Variants in SLC24A2 observed in about 807,000 individuals in gnomAD.
SLC24A2 encodes sodium/potassium/calcium exchanger 2.
Under a neutral mutation model 62.0 loss-of-function variants are expected in SLC24A2, and 36 were observed. That is an observed-to-expected ratio of 0.58 (90% confidence interval 0.44 to 0.77). The LOEUF is 0.77. Among genes scored for constraint, SLC24A2 ranks in the 30% least tolerant of loss-of-function variants. The probability of loss-of-function intolerance (pLI) is 0.00; values close to 1 mark genes in which losing one functional copy is unlikely to be tolerated. For missense variants in SLC24A2, 846 were observed against 817.9 expected (o/e 1.03, Z -0.42); for synonymous variants, 358 against 294.0 (o/e 1.22, Z -2.23).
chr9:19,945,197 A>C, the SLC24A2 span, among the ~76,000 whole-genome samples: 1 of 152,290 alleles, frequency 6.6e-6, no homozygotes, highest in East Asian at 1.9e-4. Flanking sequence ...TTCCTGAATC[A>C]GGGACAAGAT....
At chr9:20,239,351 C>A in the SLC24A2 span, among the ~76,000 whole-genome samples, 2 of 152,176 alleles carry the variant, frequency 1.3e-5, no homozygotes, top group South Asian at 2.1e-4. Flanking sequence ...TTTAACTATG[C>A]ACCTTCTATT....
At chr9:20,270,718 A>G in the SLC24A2 span, among the ~76,000 whole-genome samples, 3 of 152,238 alleles carry the variant, frequency 2.0e-5, no homozygotes, top group African/African-American at 7.2e-5. Flanking sequence ...CTCTGGGGAT[A>G]TAACAGTTAA....
At chr9:20,200,589 C>G in the SLC24A2 span, among the ~76,000 whole-genome samples, 1 of 152,280 alleles carries the variant, frequency 6.6e-6, no homozygotes, top group Non-Finnish European at 1.5e-5. Context: ...GCTTAAAACA[C>G]CCTACTTTTA....
the SLC24A2 span, among the ~76,000 whole-genome samples, chr9:20,180,309 C>A: frequency 2.0e-5 from 3 of 152,184 alleles, no homozygotes; most frequent in East Asian, 5.8e-4. Context: ...AAATATTAAT[C>A]ACCATATAGA....
intron 2 of SLC24A2, among the ~76,000 whole-genome samples, chr9:19,757,943 T>C (rs955227047): frequency 2.6e-5 from 4 of 152,172 alleles, no homozygotes; most frequent in African/African-American, 7.2e-5. Context: ...TCTCTGCACA[T>C]GTCCACTTCC....
At chr9:19,670,559 T>C (rs142749492) in intron 2 of SLC24A2, among the ~76,000 whole-genome samples, 3 of 152,308 alleles carry the variant, frequency 2.0e-5, no homozygotes, top group African/African-American at 7.2e-5. Context: ...CCTATTTCAT[T>C]GCTATTATTA....
At chr9:20,201,302 C>A in the SLC24A2 span, among the ~76,000 whole-genome samples, 13 of 152,198 alleles carry the variant, frequency 8.5e-5, no homozygotes, top group Admixed American at 3.9e-4. Flanking sequence ...AGGCTTCAAC[C>A]AGCTTGCCAG....
the SLC24A2 span, among the ~76,000 whole-genome samples, chr9:19,922,402 T>C: frequency 3.3e-5 from 5 of 152,236 alleles, no homozygotes; most frequent in Admixed American, 3.3e-4. Context: ...ATAAAATCTT[T>C]TTATGCACCC....
the SLC24A2 span, among the ~76,000 whole-genome samples, chr9:20,157,563 G>C: frequency 6.6e-5 from 10 of 151,524 alleles, no homozygotes; most frequent in African/African-American, 1.5e-4. Context: ...ACACCTATAG[G>C]AAAGGGACTT....
the SLC24A2 span, among the ~76,000 whole-genome samples, chr9:19,818,542 T>C: frequency 2.0e-5 from 3 of 152,094 alleles, no homozygotes. Context: ...AATCAGTAGC[T>C]CTTCTATATA....
intron 2 of SLC24A2, among the ~76,000 whole-genome samples, chr9:19,671,342 T>G (rs147818589): frequency 1.1e-3 from 172 of 152,226 alleles, no homozygotes; most frequent in African/African-American, 3.9e-3. Context: ...AGTTCTTGAT[T>G]TGATTCTCAG....
chr9:19,549,733 T>C (rs1225328581), intron 8 of SLC24A2, among the ~76,000 whole-genome samples: 3 of 152,196 alleles, frequency 2.0e-5, no homozygotes, highest in Admixed American at 6.5e-5. Context: ...CCTTCAAGTC[T>C]TTCTACTTCA....
At chr9:19,582,067 T>C (rs1388739046) in intron 5 of SLC24A2, among the ~76,000 whole-genome samples, 1 of 152,118 alleles carries the variant, frequency 6.6e-6, no homozygotes, top group Non-Finnish European at 1.5e-5. Context: ...TGGTCTGAAA[T>C]TTGCAAAAGA....
chr9:19,741,612 A>G (rs1372180472), intron 2 of SLC24A2, among the ~76,000 whole-genome samples: 2 of 152,158 alleles, frequency 1.3e-5, no homozygotes, highest in Non-Finnish European at 2.9e-5. Context: ...GGGACCTGAA[A>G]GTTGTTTTAC....
Position 19,743,066 on chromosome 9 carries a change from G to C in SLC24A2, c.930+42871C>G, listed in dbSNP as rs945105512. Among the ~76,000 whole-genome samples, 4 of 152,134 alleles carry C rather than the reference G, an allele frequency of 2.6e-5. No homozygotes were observed. The South Asian group carries it at 6.2e-4, about 24-fold the overall frequency. ...TTAAGTGTCTCTGATATTTCCCTAAGTCTGAAAAAACTGTTATTTTGAAAA... is the reference window on the plus strand; with the variant it reads ...TTAAGTGTCTCTGATATTTCCCTAACTCTGAAAAAACTGTTATTTTGAAAA... On this transcript the variant is annotated intron_variant, in intron 2 of 10. Coordinates refer to ENST00000341998, the MANE Select transcript of SLC24A2 (RefSeq NM_020344.4).
the SLC24A2 span, among the ~76,000 whole-genome samples, chr9:20,186,496 C>T: frequency 6.6e-6 from 1 of 152,276 alleles, no homozygotes; most frequent in South Asian, 2.1e-4. Flanking sequence ...GGACCACCTC[C>T]CTACTCCAAC....
the SLC24A2 span, among the ~76,000 whole-genome samples, chr9:19,847,765 A>G: frequency 6.6e-6 from 1 of 152,054 alleles, no homozygotes; most frequent in African/African-American, 2.4e-5. Context: ...CATTGACCCA[A>G]TTTGTACTTG....
the SLC24A2 span, among the ~76,000 whole-genome samples, chr9:19,899,224 G>C: frequency 6.6e-6 from 1 of 152,224 alleles, no homozygotes; most frequent in African/African-American, 2.4e-5. Context: ...AGGGAGACTG[G>C]GAAAGTAAGA....
chr9:19,627,525 G>A (rs1259860683), intron 2 of SLC24A2, among the ~76,000 whole-genome samples: 2 of 152,072 alleles, frequency 1.3e-5, no homozygotes, highest in Non-Finnish European at 2.9e-5. Flanking sequence ...AAAATTTCTT[G>A]ATCATATACC....
Sources: gnomAD v4.1 joint callset for allele counts (sites outside exome capture counted in the v4.1 genomes callset) on GRCh38, gnomAD v4.1.1 for gene constraint, MANE v1.5 for transcripts, NCBI Gene and HGNC (gene_info 2026-07-23, HGNC 2026-07-21) for gene names.